The following SAMD4A variants were observed in gnomAD, a reference collection of about 807,000 sequenced individuals.
The protein encoded by SAMD4A is sterile alpha motif domain containing 4A, also known as protein Smaug homolog 1.
In SAMD4A, 33 loss-of-function variants were observed where a neutral mutation model predicts 81.3. That is an observed-to-expected ratio of 0.41 (90% confidence interval 0.31 to 0.54). The LOEUF (loss-of-function observed/expected upper bound fraction) is 0.54, where lower values mean the gene tolerates loss of function less well. Ranked by LOEUF, SAMD4A falls within the 20% of genes least tolerant of loss-of-function variation. The pLI is 0.37. For synonymous variants in SAMD4A, 389 were observed against 382.1 expected, an observed-to-expected ratio of 1.02 and a Z score of -0.21; for missense variants, 854 against 951.1, an observed-to-expected ratio of 0.90 and a Z score of 1.34.
intron 3 of SAMD4A, among the ~76,000 whole-genome samples, chr14:54,727,256 C>A (rs1160706285): frequency 7.6e-6 from 1 of 131,674 alleles, no homozygotes; most frequent in Non-Finnish European, 1.6e-5. Context: ...GTGGCACGAT[C>A]TCGGCTTACT....
At chr14:54,611,677 G>A (rs977258576) in intron 2 of SAMD4A, among the ~76,000 whole-genome samples, 1 of 152,068 alleles carries the variant, frequency 6.6e-6, no homozygotes, top group Non-Finnish European at 1.5e-5. Flanking sequence ...AAGAGTTCGA[G>A]ACCAGCCTGG....
chr14:54,774,446 G>A (rs1040326551), intron 9 of SAMD4A, among the ~76,000 whole-genome samples: 2 of 152,316 alleles, frequency 1.3e-5, no homozygotes, highest in East Asian at 1.9e-4. Flanking sequence ...GCTCACGCCT[G>A]TAATCCCAGC....
chr14:54,712,674 T>C (rs2037020510), intron 3 of SAMD4A, among the ~76,000 whole-genome samples: 1 of 152,150 alleles, frequency 6.6e-6, no homozygotes. Context: ...AATGCTGTAG[T>C]GGGCGAGAAG....
chr14:54,617,187 T>A (rs1333721878), intron 2 of SAMD4A, among the ~76,000 whole-genome samples: 1 of 152,216 alleles, frequency 6.6e-6, no homozygotes, highest in African/African-American at 2.4e-5. Context: ...GATGGAAGGC[T>A]CATTCATTTC....
At chr14:54,650,530 A>T (rs566349784) in intron 2 of SAMD4A, among the ~76,000 whole-genome samples, 5 of 152,284 alleles carry the variant, frequency 3.3e-5, no homozygotes, top group African/African-American at 1.2e-4. Context: ...GGCAGTAGGG[A>T]ACAGGACTTC....
At chr14:54,678,720 T>G (rs1333541770) in intron 2 of SAMD4A, among the ~76,000 whole-genome samples, 3 of 152,012 alleles carry the variant, frequency 2.0e-5, no homozygotes, top group Non-Finnish European at 4.4e-5. Context: ...GGCTAATTTT[T>G]TGCATTTTTA....
chr14:54,592,531 C>G (rs1319707574), intron 2 of SAMD4A, among the ~76,000 whole-genome samples: 2 of 152,156 alleles, frequency 1.3e-5, no homozygotes, highest in African/African-American at 4.8e-5. Flanking sequence ...GCGATCTCGG[C>G]TCACTGCAAG....
In SAMD4A at chr14:54,785,925, A is replaced by G. The variant is rs180912402; in HGVS notation, c.2128+1305A>G. On this transcript the variant is annotated intron_variant, in intron 12 of 12. Transcript: ENST00000554335. ...TGTGACTTCCCCCAGAGCTCTATAA[A>G]GAGCCTCATTTGCGAGCCACTGCTC... is the stretch of plus-strand genomic sequence containing the variant. Among the ~76,000 whole-genome samples, 102 of 152,312 alleles carry G rather than the reference A, an allele frequency of 6.7e-4. 1 individual carries two copies. The highest frequency in any genetic ancestry group is 2.3e-3 in the African/African-American group (97 of 41,562).
rs200547681 is a variant in SAMD4A, at chr14:54,776,552, C to A, written c.2044+12C>A. 5.2e-6 allele frequency: 8 copies of A among 1,550,536 alleles called. No individual in the cohort carries two copies. In the South Asian group the frequency reaches 9.8e-5, roughly 19 times the overall value. ...GTTCCAGCAGCCAGGTAGGGCCCGGCGCTTCATGTCCCCTTGACACAGAGG... is the reference window on the plus strand; with the variant it reads ...GTTCCAGCAGCCAGGTAGGGCCCGGAGCTTCATGTCCCCTTGACACAGAGG... On this transcript the variant is annotated intron_variant, in intron 11 of 12. Coordinates refer to ENST00000554335, the MANE Select transcript of SAMD4A (RefSeq NM_015589.6).
intron 2 of SAMD4A, chr14:54,687,411 C>T (rs966953035): frequency 1.8e-5 from 8 of 452,572 alleles, no homozygotes; most frequent in African/African-American, 1.2e-4. Flanking sequence ...TTCTTGGTGT[C>T]CACAGCCCTG....
At chr14:54,611,005 A>G (rs1211910703) in intron 2 of SAMD4A, among the ~76,000 whole-genome samples, 1 of 152,230 alleles carries the variant, frequency 6.6e-6, no homozygotes, top group Non-Finnish European at 1.5e-5. Flanking sequence ...TCATCATTAG[A>G]GTTTATAGCA....
chr14:54,568,923 G>C (rs1203762140), intron 2 of SAMD4A, among the ~76,000 whole-genome samples: 1 of 151,732 alleles, frequency 6.6e-6, no homozygotes, highest in Admixed American at 6.6e-5. Context: ...ACCTCAACTA[G>C]TATGGAAAGT....
intron 2 of SAMD4A, among the ~76,000 whole-genome samples, chr14:54,636,437 T>C (rs2035037364): frequency 6.6e-6 from 1 of 152,180 alleles, no homozygotes; most frequent in South Asian, 2.1e-4. Context: ...GAATGAATTT[T>C]GGAGACATCG....
In SAMD4A at chr14:54,775,416, C is replaced by T. The variant is rs541431963; in HGVS notation, c.1917+281C>T. Among the ~76,000 whole-genome samples, 134 of 152,328 alleles carry T rather than the reference C, an allele frequency of 8.8e-4. 1 individual carries two copies. Among genetic ancestry groups the T allele is most frequent in the African/African-American group, 3.1e-3 (130 of 41,574 alleles). The stretch of plus-strand genomic sequence containing the variant: ...ATGCAAGACCTATTTCTTCTTTGCC[C>T]CATGCTTGACCTTCTGCCACCCAAA... On this transcript the variant is annotated intron_variant, in intron 10 of 12. Transcript: ENST00000554335.
chr14:54,673,822 C>G (rs551858266), intron 2 of SAMD4A, among the ~76,000 whole-genome samples: 75 of 152,340 alleles, frequency 4.9e-4, no homozygotes, highest in African/African-American at 1.8e-3. Context: ...TTTCGGTCTT[C>G]TGTCTGTGTA....
At chr14:54,610,124 C>A in intron 2 of SAMD4A, among the ~76,000 whole-genome samples, 1 of 152,204 alleles carries the variant, frequency 6.6e-6, no homozygotes. Flanking sequence ...TTTTCCAGAA[C>A]TAGATCACTT....
chr14:54,703,876 A>G (rs2036784864), intron 3 of SAMD4A: 2 of 152,172 alleles, frequency 1.3e-5, no homozygotes, highest in African/African-American at 4.8e-5. Flanking sequence ...AGAGAAAAAA[A>G]AAAGAAAAAG....
In SAMD4A at chr14:54,626,617, A is replaced by C. The variant is rs2034771090; in HGVS notation, c.196+58505A>C. On this transcript the variant is annotated intron_variant, in intron 2 of 12. Transcript: ENST00000554335. ...CTGCTTTTGGAAACTTGTACTAAAA[A>C]CCCCTCCTATATGCATATTTAGTTA... 4.6e-5 allele frequency among the ~76,000 whole-genome samples: 7 copies of C among 151,822 alleles called. No individual in the cohort carries two copies. In the South Asian group the frequency reaches 1.5e-3, roughly 32 times the overall value.
At chr14:54,658,093 T>C (rs757888866) in intron 2 of SAMD4A, among the ~76,000 whole-genome samples, 85 of 152,280 alleles carry the variant, frequency 5.6e-4, no homozygotes, top group South Asian at 4.1e-4. Flanking sequence ...GCAGATCACT[T>C]GAGGTCAGGA....
Sources: gnomAD v4.1 joint callset for allele counts (sites outside exome capture counted in the v4.1 genomes callset) on GRCh38, gnomAD v4.1.1 for gene constraint, MANE v1.5 for transcripts, NCBI Gene and HGNC (gene_info 2026-07-23, HGNC 2026-07-21) for gene names.